LIFR: variants seen among roughly 807,000 people sequenced by gnomAD.
The protein encoded by LIFR is leukemia inhibitory factor receptor.
A neutral mutation model predicts 122.2 loss-of-function variants in LIFR; 84 were observed. The ratio of observed to expected loss-of-function variants is 0.69; its 90% CI spans 0.58 to 0.82. LIFR has a LOEUF of 0.82. Among genes scored for constraint, LIFR ranks in the 40% least tolerant of loss-of-function variants. The probability of loss-of-function intolerance (pLI) is 0.00; values close to 1 mark genes in which losing one functional copy is unlikely to be tolerated. For missense variants in LIFR, 1,294 were observed against 1,311.6 expected (o/e 0.99, Z 0.21); for synonymous variants, 422 against 434.7 (o/e 0.97, Z 0.36).
At position 38,567,542 on chromosome 5, in the gene LIFR, ATTTT is replaced by A. The variant is rs1477639366; in HGVS notation, c.-20+27715_-20+27718del. 6.1e-5 allele frequency among the ~76,000 whole-genome samples: 9 copies of A among 148,288 alleles called. No homozygotes were observed. In the East Asian group the frequency reaches 1.8e-3, roughly 29 times the overall value. ...TATTTATTTATTTATTTATTTATTT[ATTTT>A]GAAGACTGAGTCTCACTCTGTTGCC... On this transcript the variant is annotated intron_variant, in intron 1 of 19. Transcript: ENST00000263409.
upstream of LIFR, among the ~76,000 whole-genome samples, chr5:38,598,216 T>A (rs1476126292): frequency 1.4e-4 from 9 of 65,886 alleles, no homozygotes; most frequent in African/African-American, 5.2e-4. Context: ...CACCTCTTTT[T>A]TTTTTTTTTT....
upstream of LIFR, among the ~76,000 whole-genome samples, chr5:38,600,038 G>A (rs1750194071): frequency 6.6e-6 from 1 of 152,174 alleles, no homozygotes; most frequent in South Asian, 2.1e-4. Flanking sequence ...GGCTTCATCT[G>A]TATGATAAAA....
At chr5:38,543,939 T>C (rs1747729721) in intron 1 of LIFR, among the ~76,000 whole-genome samples, 1 of 152,102 alleles carries the variant, frequency 6.6e-6, no homozygotes, top group African/African-American at 2.4e-5. Flanking sequence ...ATAACCCTCC[T>C]AAATTTGTTC....
intron 5 of LIFR, among the ~76,000 whole-genome samples, chr5:38,516,128 T>C (rs1746067436): frequency 6.6e-6 from 1 of 152,158 alleles, no homozygotes; most frequent in Non-Finnish European, 1.5e-5. Flanking sequence ...AAGTAAGGAA[T>C]TACTGCCTTG....
intron 1 of LIFR, among the ~76,000 whole-genome samples, chr5:38,593,093 C>T (rs1312516646): frequency 6.6e-6 from 1 of 152,152 alleles, no homozygotes; most frequent in African/African-American, 2.4e-5. Flanking sequence ...ATCCCAGCTA[C>T]TCAGGAGGCT....
chr5:38,579,814 G>A (rs538099445), intron 1 of LIFR, among the ~76,000 whole-genome samples: 2 of 152,256 alleles, frequency 1.3e-5, no homozygotes, highest in East Asian at 3.9e-4. Context: ...TTTTAAAAAT[G>A]TGATATTCTA....
At chr5:38,549,969 G>A (rs911469280) in intron 1 of LIFR, among the ~76,000 whole-genome samples, 2 of 152,166 alleles carry the variant, frequency 1.3e-5, no homozygotes, top group African/African-American at 4.8e-5. Context: ...TCACTGCGAG[G>A]AGAAAGGTAT....
At chr5:38,494,373 C>A (rs540284065) in intron 13 of LIFR, among the ~76,000 whole-genome samples, 79 of 152,068 alleles carry the variant, frequency 5.2e-4, no homozygotes, top group African/African-American at 1.8e-3. Flanking sequence ...GTGGAGACAC[C>A]CAGAGGCGAT....
chr5:38,587,754 G>A (rs140995653), intron 1 of LIFR, among the ~76,000 whole-genome samples: 12 of 152,300 alleles, frequency 7.9e-5, no homozygotes, highest in Non-Finnish European at 1.3e-4. Flanking sequence ...TGAACCCAGC[G>A]GGCTAGATTC....
chr5:38,502,461 A>C (rs1291442971), intron 11 of LIFR, among the ~76,000 whole-genome samples, 176 bp downstream of exon 11: 1 of 151,974 alleles, frequency 6.6e-6, no homozygotes, highest in Non-Finnish European at 1.5e-5. Flanking sequence ...GTTTCTCCAT[A>C]TTGGTCAGGC....
At chr5:38,583,318 G>A (rs16903999) in intron 1 of LIFR, among the ~76,000 whole-genome samples, 1,623 of 152,286 alleles carry the variant, frequency 0.011, 21 homozygotes, top group African/African-American at 0.036. Flanking sequence ...GTTAAGTAAT[G>A]TAGATTTTCA....
intron 1 of LIFR, among the ~76,000 whole-genome samples, chr5:38,575,875 A>G (rs1305879511): frequency 6.6e-6 from 1 of 152,168 alleles, no homozygotes; most frequent in Admixed American, 6.5e-5. Context: ...CCCGGGCTCA[A>G]GTCGGTTTAG....
chr5:38,486,090 T>C, intron 16 of LIFR, 110 bp from the exon 17 acceptor site: 3 of 976,928 alleles, frequency 3.1e-6, no homozygotes. Flanking sequence ...GCTGAGGCCA[T>C]CCCAGCCAAG....
intron 8 of LIFR, 97 bp downstream of exon 8, chr5:38,506,406 T>C (rs1745484849): frequency 7.0e-7 from 1 of 1,431,138 alleles, no homozygotes; most frequent in Admixed American, 1.7e-5. Flanking sequence ...TATATCTTGT[T>C]TGTAACATAA....
chr5:38,510,884 T>C (rs578198401), intron 6 of LIFR, among the ~76,000 whole-genome samples, 166 bp from the exon 7 acceptor site: 1 of 150,906 alleles, frequency 6.6e-6, no homozygotes, highest in South Asian at 2.1e-4. Flanking sequence ...AGATAAGGTG[T>C]GTTCCACAGG....
intron 12 of LIFR, among the ~76,000 whole-genome samples, chr5:38,497,337 A>C (rs2112434266): frequency 6.6e-6 from 1 of 152,342 alleles, no homozygotes; most frequent in African/African-American, 2.4e-5. Context: ...CAGATTTAAA[A>C]TCCACTGGGA....
At position 38,505,995 on chromosome 5, in the gene LIFR, G is replaced by T; in HGVS notation, c.1201C>A (p.Pro401Thr). 2 of 1,607,272 alleles carry T rather than the reference G, an allele frequency of 1.2e-6. No homozygotes were observed. The highest frequency in any genetic ancestry group is 2.7e-5 in the African/African-American group (2 of 74,862). The change falls in exon 9 of 20, where the codon CCA becomes ACA. Residue 401 changes from proline to threonine, a missense_variant. Coordinates refer to ENST00000453190, the MANE Select transcript of LIFR (RefSeq NM_001127671.2). ...GTAAAATTATATATTTCTTGATTTG[G>T]AAGCATTTGAAATAATAATTGATAG... is the stretch of plus-strand genomic sequence containing the variant. ...ESYQLLFQMLPNQEIYNFTLN... is the reference protein window; with the variant it reads ...ESYQLLFQMLTNQEIYNFTLN...
At chr5:38,555,357 T>C (rs911368593) in intron 1 of LIFR, among the ~76,000 whole-genome samples, 4 of 152,212 alleles carry the variant, frequency 2.6e-5, no homozygotes, top group African/African-American at 9.6e-5. Context: ...GTTTTTCCAC[T>C]TGTGAAAAGG....
At chr5:38,524,199 G>A (rs575245741) in intron 4 of LIFR, among the ~76,000 whole-genome samples, 5 of 152,272 alleles carry the variant, frequency 3.3e-5, no homozygotes, top group African/African-American at 1.2e-4. Flanking sequence ...AGAGTCTCTC[G>A]TGCTGGGGGA....
Sources: gnomAD v4.1 joint callset for allele counts (sites outside exome capture counted in the v4.1 genomes callset) on GRCh38, gnomAD v4.1.1 for gene constraint, MANE v1.5 for transcripts, NCBI Gene and HGNC (gene_info 2026-07-23, HGNC 2026-07-21) for gene names.